ADAMTSL3: variants seen among roughly 807,000 people sequenced by gnomAD.
The protein encoded by ADAMTSL3 is ADAMTS like 3, also known as ADAMTS-like protein 3.
In ADAMTSL3, 128 loss-of-function variants were observed where a neutral mutation model predicts 201.7. The ratio of observed to expected loss-of-function variants is 0.63; its 90% CI spans 0.55 to 0.73. ADAMTSL3 has a LOEUF of 0.73. ADAMTSL3 is among the 30% of genes least tolerant of loss of function. The probability of loss-of-function intolerance (pLI) is 0.00; values close to 1 mark genes in which losing one functional copy is unlikely to be tolerated. For missense variants in ADAMTSL3, 1,990 were observed against 2,119.6 expected, an observed-to-expected ratio of 0.94 and a Z score of 1.20; for synonymous variants, 738 against 748.4, an observed-to-expected ratio of 0.99 and a Z score of 0.23.
At chr15:83,668,338 T>C (rs2061277967) in intron 2 of ADAMTSL3, among the ~76,000 whole-genome samples, 1 of 152,120 alleles carries the variant, frequency 6.6e-6, no homozygotes, top group Non-Finnish European at 1.5e-5. Flanking sequence ...ATTCTGTTTT[T>C]TTGGTATTGA....
At chr15:84,012,033 T>TA (rs1711896230) in intron 23 of ADAMTSL3, among the ~76,000 whole-genome samples, 1 of 152,178 alleles carries the variant, frequency 6.6e-6, no homozygotes, top group South Asian at 2.1e-4. Flanking sequence ...AAGAAAATGC[T>TA]AAAAAAGATA....
intron 4 of ADAMTSL3, among the ~76,000 whole-genome samples, chr15:83,801,692 A>ATATATATATG (rs1555445626): frequency 8.1e-5 from 7 of 86,240 alleles, no homozygotes; most frequent in Non-Finnish European, 1.2e-4. Flanking sequence ...ATATATATAT[A>ATATATATATG]TATGTATGTA....
intron 23 of ADAMTSL3, among the ~76,000 whole-genome samples, chr15:84,006,340 G>A (rs910397585): frequency 2.6e-5 from 4 of 152,230 alleles, no homozygotes; most frequent in Non-Finnish European, 4.4e-5. Context: ...AGTGAGTTTT[G>A]AGTAGCTGGA....
chr15:83,871,073 A>C, intron 9 of ADAMTSL3, 114 bp downstream of exon 9: 5 of 1,178,784 alleles, frequency 4.2e-6, no homozygotes, highest in Non-Finnish European at 5.9e-6. Context: ...TATACAGAGC[A>C]TGTGTCATCA....
chr15:83,810,801 C>T (rs1004770642), intron 5 of ADAMTSL3, among the ~76,000 whole-genome samples: 8 of 152,106 alleles, frequency 5.3e-5, no homozygotes, highest in South Asian at 2.1e-4. Context: ...TACAGTGGCA[C>T]GATCTCAGCT....
intron 20 of ADAMTSL3, among the ~76,000 whole-genome samples, chr15:83,974,014 G>A (rs2067239529): frequency 1.3e-5 from 2 of 152,090 alleles, no homozygotes; most frequent in African/African-American, 4.8e-5. Context: ...GCTCCCCCTA[G>A]AGGCCAACAG....
chr15:83,715,813 GCTCTGGCCAGACTGGA>G (rs2062009695), intron 3 of ADAMTSL3, among the ~76,000 whole-genome samples: 1 of 152,088 alleles, frequency 6.6e-6, no homozygotes, highest in Non-Finnish European at 1.5e-5. Flanking sequence ...TGTGCCCTGT[GCTCTGGCCAGACTGGA>G]CTCCATGCCT....
rs149951291 is a variant in ADAMTSL3, at chr15:83,725,609, G to A, written c.189+21101G>A. Among the ~76,000 whole-genome samples the A allele has an allele frequency of 1.5e-4, 23 of 152,208 alleles. No homozygotes were observed. In the East Asian group the frequency reaches 3.7e-3, roughly 24 times the overall value. ...GATGGGTATCTAGTTTTATTCTTCT[G>A]CATATGGACATCCAATATTCCCAGC... On this transcript the variant is annotated intron_variant, in intron 3 of 29. Coordinates refer to ENST00000286744, the MANE Select transcript of ADAMTSL3 (RefSeq NM_207517.3).
intron 2 of ADAMTSL3, among the ~76,000 whole-genome samples, chr15:83,692,732 A>G (rs78514641): frequency 0.015 from 2,214 of 151,554 alleles, 63 homozygotes; most frequent in African/African-American, 0.051. Context: ...ATGAGCATCC[A>G]AACAGCAAAT....
intron 27 of ADAMTSL3, 77 bp from the exon 28 acceptor site, chr15:84,031,258 C>G: frequency 1.4e-6 from 2 of 1,409,212 alleles, no homozygotes; most frequent in Non-Finnish European, 2.0e-6. Context: ...AGCTATCCTG[C>G]CTCAGTACAT....
At chr15:83,757,838 A>C (rs776351534) in intron 3 of ADAMTSL3, among the ~76,000 whole-genome samples, 1 of 152,134 alleles carries the variant, frequency 6.6e-6, no homozygotes. Context: ...CATCTCCCTC[A>C]AGTTCAAAGT....
chr15:83,815,692 T>C (rs2063761262), intron 5 of ADAMTSL3, among the ~76,000 whole-genome samples: 1 of 152,220 alleles, frequency 6.6e-6, no homozygotes, highest in Non-Finnish European at 1.5e-5. Context: ...GCATTTATTG[T>C]AAGCAGTCAG....
At chr15:83,996,883 A>G (rs1441967075) in intron 23 of ADAMTSL3, among the ~76,000 whole-genome samples, 1 of 151,754 alleles carries the variant, frequency 6.6e-6, no homozygotes, top group Non-Finnish European at 1.5e-5. Context: ...AAATGTTCTC[A>G]TTTCCACACT....
At chr15:83,790,275 T>C (rs187443313) in intron 4 of ADAMTSL3, among the ~76,000 whole-genome samples, 61 of 146,862 alleles carry the variant, frequency 4.2e-4, no homozygotes, top group African/African-American at 1.5e-3. Context: ...ACAAAGACTA[T>C]ATAAAGAAGA....
intron 3 of ADAMTSL3, among the ~76,000 whole-genome samples, chr15:83,766,030 T>A (rs1176971916): frequency 6.6e-6 from 1 of 152,198 alleles, no homozygotes; most frequent in African/African-American, 2.4e-5. Flanking sequence ...AGGACTCACA[T>A]GTAACCTATC....
At chr15:83,825,208 T>C (rs1046649547) in intron 6 of ADAMTSL3, among the ~76,000 whole-genome samples, 1 of 152,220 alleles carries the variant, frequency 6.6e-6, no homozygotes, top group African/African-American at 2.4e-5. Context: ...AGGTTTGGGC[T>C]CTTTGACCAA....
chr15:83,726,687 A>T (rs183956063), intron 3 of ADAMTSL3, among the ~76,000 whole-genome samples: 27 of 152,124 alleles, frequency 1.8e-4, no homozygotes, highest in Non-Finnish European at 3.7e-4. Flanking sequence ...TGTTGATATG[A>T]TGTGTCACAT....
chr15:84,032,645 T>C (rs2068430311), intron 28 of ADAMTSL3, among the ~76,000 whole-genome samples: 1 of 152,230 alleles, frequency 6.6e-6, no homozygotes, highest in Admixed American at 6.5e-5. Context: ...TTATAGATAA[T>C]TCCCATCAAG....
intron 19 of ADAMTSL3, among the ~76,000 whole-genome samples, chr15:83,956,504 A>T (rs147173852): frequency 6.6e-6 from 1 of 152,334 alleles, no homozygotes; most frequent in African/African-American, 2.4e-5. Context: ...CTATTCTGCC[A>T]TCTTGCTCTG....
Sources: gnomAD v4.1 joint callset for allele counts (sites outside exome capture counted in the v4.1 genomes callset) on GRCh38, gnomAD v4.1.1 for gene constraint, MANE v1.5 for transcripts, NCBI Gene and HGNC (gene_info 2026-07-23, HGNC 2026-07-21) for gene names.